ZNF804B: variants seen among roughly 807,000 people sequenced by gnomAD.
ZNF804B encodes the protein zinc finger protein 804B, also known as zinc finger 804B.
Under a neutral mutation model 101.4 loss-of-function variants are expected in ZNF804B, and 80 were observed. The ratio of observed to expected loss-of-function variants is 0.79; its 90% CI spans 0.66 to 0.95. The LOEUF (loss-of-function observed/expected upper bound fraction) is 0.95. Among genes scored for constraint, ZNF804B ranks in the 40% least tolerant of loss-of-function variants. The pLI is 0.00. For missense variants in ZNF804B, 1,673 were observed against 1,561.9 expected, an observed-to-expected ratio of 1.07 and a Z score of -1.20; for synonymous variants, 622 against 558.8, an observed-to-expected ratio of 1.11 and a Z score of -1.59.
intron 1 of ZNF804B, among the ~76,000 whole-genome samples, chr7:88,877,285 G>A (rs1791968606): frequency 6.7e-6 from 1 of 149,786 alleles, no homozygotes; most frequent in Non-Finnish European, 1.5e-5. Context: ...TAAGTAGAAA[G>A]TAGAACATTT....
rs540079465 is a variant in ZNF804B at position 88,912,955 on chromosome 7, A to T, written c.108+152871A>T. Among the ~76,000 whole-genome samples the T allele has an allele frequency of 1.7e-4, 26 of 152,300 alleles. No homozygotes were observed. In the South Asian group the frequency reaches 4.8e-3, roughly 28 times the overall value. On this transcript the variant is annotated intron_variant, in intron 1 of 3. Transcript: ENST00000333190. Reference sequence around the variant, plus strand: ...AAAAGGAAAGAGTAGTATTTACAAGATATTTTCTTTTAGAAGCAACCTTTT... The same window carrying T: ...AAAAGGAAAGAGTAGTATTTACAAGTTATTTTCTTTTAGAAGCAACCTTTT...
chr7:89,037,078 T>A (rs1401761505), intron 1 of ZNF804B, among the ~76,000 whole-genome samples: 1 of 152,146 alleles, frequency 6.6e-6, no homozygotes, highest in East Asian at 1.9e-4. Flanking sequence ...GAGACAATTT[T>A]AACCTAAAGA....
chr7:89,261,543 A>G (rs1436826088), intron 2 of ZNF804B, among the ~76,000 whole-genome samples: 2 of 152,176 alleles, frequency 1.3e-5, no homozygotes, highest in Non-Finnish European at 2.9e-5. Flanking sequence ...ATCTTTTTAA[A>G]GACATGCATA....
intron 1 of ZNF804B, among the ~76,000 whole-genome samples, chr7:88,879,510 GA>G (rs1792000851): frequency 6.6e-6 from 1 of 152,136 alleles, no homozygotes; most frequent in Admixed American, 6.6e-5. Flanking sequence ...ATTTATGTGA[GA>G]ATATGTGTGG....
At chr7:89,152,749 A>G (rs1584018380) in intron 1 of ZNF804B, among the ~76,000 whole-genome samples, 1 of 152,128 alleles carries the variant, frequency 6.6e-6, no homozygotes, top group African/African-American at 2.4e-5. Flanking sequence ...GTGCCTCAAT[A>G]TTTTCTTTTT....
intron 1 of ZNF804B, among the ~76,000 whole-genome samples, chr7:89,048,540 C>T (rs1211808992): frequency 6.6e-6 from 1 of 151,336 alleles, no homozygotes; most frequent in Non-Finnish European, 1.5e-5. Context: ...TTTTATTTAT[C>T]AATATTATGA....
intron 1 of ZNF804B, among the ~76,000 whole-genome samples, chr7:89,019,493 A>C (rs577119946): frequency 6.6e-6 from 1 of 152,038 alleles, no homozygotes; most frequent in Admixed American, 6.6e-5. Context: ...TATTAAGTCC[A>C]TCTGGTCTAT....
chr7:89,281,773 C>G (rs920848793), intron 2 of ZNF804B, among the ~76,000 whole-genome samples: 2 of 151,912 alleles, frequency 1.3e-5, no homozygotes, highest in African/African-American at 4.8e-5. Context: ...GTAAGAAACC[C>G]AAAGTAAGAT....
intron 1 of ZNF804B, among the ~76,000 whole-genome samples, chr7:88,929,786 G>T (rs151272139): frequency 6.6e-6 from 1 of 151,832 alleles, no homozygotes; most frequent in Non-Finnish European, 1.5e-5. Flanking sequence ...TTAAAAATAC[G>T]TTTAAGGTAT....
chr7:88,902,912 C>T (rs1009900199), intron 1 of ZNF804B, among the ~76,000 whole-genome samples: 1 of 152,054 alleles, frequency 6.6e-6, no homozygotes, highest in African/African-American at 2.4e-5. Flanking sequence ...ACGTAAAATG[C>T]CAGTTTTTGA....
chr7:89,161,163 C>T (rs1003442340), intron 1 of ZNF804B, among the ~76,000 whole-genome samples: 1 of 152,008 alleles, frequency 6.6e-6, no homozygotes, highest in Non-Finnish European at 1.5e-5. Context: ...GCAGAGAAAC[C>T]TCCGCAGCCT....
At chr7:89,165,719 T>C (rs74754011) in intron 1 of ZNF804B, among the ~76,000 whole-genome samples, 171 of 152,246 alleles carry the variant, frequency 1.1e-3, no homozygotes, top group African/African-American at 4.1e-3. Context: ...GATTATGAAG[T>C]ACTGTATCTA....
chr7:88,883,331 C>T (rs998494510), intron 1 of ZNF804B, among the ~76,000 whole-genome samples: 4 of 152,182 alleles, frequency 2.6e-5, no homozygotes, highest in East Asian at 3.9e-4. Context: ...TTGTCTTCCA[C>T]GTGTTTAAAA....
chr7:89,087,099 C>T (rs1464972528), intron 1 of ZNF804B, among the ~76,000 whole-genome samples: 1 of 150,374 alleles, frequency 6.7e-6, no homozygotes, highest in Non-Finnish European at 1.5e-5. Flanking sequence ...TCGAAGGACT[C>T]AGTGCACTCA....
At chr7:88,927,688 A>G (rs780853564) in intron 1 of ZNF804B, among the ~76,000 whole-genome samples, 1 of 151,916 alleles carries the variant, frequency 6.6e-6, no homozygotes, top group African/African-American at 2.4e-5. Context: ...ACAGTTTCCA[A>G]TAATTGGTTT....
intron 1 of ZNF804B, among the ~76,000 whole-genome samples, chr7:89,122,868 A>G (rs1307616710): frequency 6.6e-6 from 1 of 152,038 alleles, no homozygotes; most frequent in Non-Finnish European, 1.5e-5. Context: ...CCATTTTCAT[A>G]TCCTACTTTT....
intron 1 of ZNF804B, among the ~76,000 whole-genome samples, chr7:88,953,576 T>C (rs1407050176): frequency 6.6e-6 from 1 of 151,814 alleles, no homozygotes; most frequent in East Asian, 2.0e-4. Context: ...TGTATCTTCA[T>C]TGTTTAGATA....
chr7:88,780,923 T>C (rs1348638814), intron 1 of ZNF804B, among the ~76,000 whole-genome samples: 1 of 152,190 alleles, frequency 6.6e-6, no homozygotes, highest in African/African-American at 2.4e-5. Flanking sequence ...TTTTATAATG[T>C]ACTAATTCTG....
intron 1 of ZNF804B, among the ~76,000 whole-genome samples, chr7:89,181,599 A>T (rs2115583174): frequency 6.9e-6 from 1 of 145,252 alleles, no homozygotes; most frequent in Admixed American, 6.7e-5. Flanking sequence ...ACAATTCAAG[A>T]CTGTCTTTCT....
Sources: gnomAD v4.1 joint callset for allele counts (sites outside exome capture counted in the v4.1 genomes callset) on GRCh38, gnomAD v4.1.1 for gene constraint, MANE v1.5 for transcripts, NCBI Gene and HGNC (gene_info 2026-07-23, HGNC 2026-07-21) for gene names.